Variants in MAPRE3 observed in about 807,000 individuals in gnomAD.
The protein encoded by MAPRE3 is microtubule-associated protein RP/EB family member 3.
A neutral mutation model predicts 30.5 loss-of-function variants in MAPRE3; 2 were observed. That is an observed-to-expected ratio of 0.07 (90% CI 0.03 to 0.21). The LOEUF is 0.21. MAPRE3 is among the 10% of genes least tolerant of loss of function. MAPRE3 has a pLI of 1.00. For synonymous variants in MAPRE3, 110 were observed against 127.7 expected, an observed-to-expected ratio of 0.86 and a Z score of 0.93; for missense variants, 204 against 351.8, an observed-to-expected ratio of 0.58 and a Z score of 3.36.
At chr2:27,003,786 C>T (rs1666658253) in intron 1 of MAPRE3, among the ~76,000 whole-genome samples, 1 of 152,170 alleles carries the variant, frequency 6.6e-6, no homozygotes, top group South Asian at 2.1e-4. Flanking sequence ...TCCCCATCCC[C>T]TTCTCCTTAC....
rs750222136 is a variant in MAPRE3 at position 27,026,507 on chromosome 2, G to A, written c.*159G>A. 14 of 614,584 alleles carry A rather than the reference G, an allele frequency of 2.3e-5. No homozygotes were observed. The highest frequency in any genetic ancestry group is 3.3e-5 in the Admixed American group (1 of 30,014). The allele number at this position is 614,584 out of a possible 1,614,324, so 38.1% of individuals were successfully genotyped here. On this transcript the variant is annotated 3_prime_UTR_variant, in exon 7 of 7. Coordinates refer to ENST00000233121, the MANE Select transcript of MAPRE3 (RefSeq NM_012326.4). ...GAGGGGGGCTTGGGGGCATGGGGCCGGAAAGCAGGCAGAAGCCCGTCCTGG... is the reference window on the plus strand; with the variant it reads ...GAGGGGGGCTTGGGGGCATGGGGCCAGAAAGCAGGCAGAAGCCCGTCCTGG...
chr2:27,002,656 G>A (rs1666625455), intron 1 of MAPRE3, among the ~76,000 whole-genome samples: 2 of 152,156 alleles, frequency 1.3e-5, no homozygotes, highest in Admixed American at 1.3e-4. Context: ...TGCACCTGGG[G>A]GTGTGGGTCT....
rs963428953 is a variant in MAPRE3 at position 27,015,725 on chromosome 2, G to A, written c.-7-6487G>A. Among the ~76,000 whole-genome samples the A allele has an allele frequency of 5.9e-5, 9 of 152,112 alleles. No individual in the cohort carries two copies. Among genetic ancestry groups the A allele is most frequent in the Non-Finnish European group, 1.3e-4 (9 of 68,020 alleles). On this transcript the variant is annotated intron_variant, in intron 1 of 6. Transcript: ENST00000233121. This position sits in a 1 kb window ranked among gnomAD's most constrained non-coding sequence, Gnocchi z 4.0. Reference sequence around the variant, plus strand: ...AAATTAGATTTAGGCTGGTGATAAGGTCATTAAATAATAGAATGTGAAATT... The same window carrying A: ...AAATTAGATTTAGGCTGGTGATAAGATCATTAAATAATAGAATGTGAAATT...
At chr2:27,005,682 G>C (rs1231121728) in intron 1 of MAPRE3, among the ~76,000 whole-genome samples, 1 of 152,182 alleles carries the variant, frequency 6.6e-6, no homozygotes, top group Non-Finnish European at 1.5e-5. Context: ...GAATCAATGG[G>C]CCAAATGGCC....
chr2:27,026,162 T>C, intron 6 of MAPRE3, 118 bp from the exon 7 acceptor site: 1 of 1,394,360 alleles, frequency 7.2e-7, no homozygotes. Flanking sequence ...TAGCCCAGGG[T>C]CACCCATTAG....
chr2:27,003,821 T>C (rs1410179796), intron 1 of MAPRE3, among the ~76,000 whole-genome samples: 1 of 152,142 alleles, frequency 6.6e-6, no homozygotes, highest in East Asian at 1.9e-4. Context: ...ACCGGCCCCA[T>C]GTCAAAGATT....
intron 3 of MAPRE3, 134 bp downstream of exon 3, chr2:27,023,611 G>C (rs745820863): frequency 9.3e-7 from 1 of 1,073,670 alleles, no homozygotes; most frequent in Non-Finnish European, 1.4e-6. Flanking sequence ...CGACTCTCCA[G>C]AGGGAATTTT....
rs1354687603 is a variant in MAPRE3 at position 26,986,781 on chromosome 2, T to C, written c.-8+15979T>C. 1 of 152,068 alleles carries C rather than the reference T, an allele frequency of 6.6e-6. No individual in the cohort carries two copies. The highest frequency in any genetic ancestry group is 2.4e-5 in the African/African-American group (1 of 41,348). 9.4% of individuals were successfully genotyped at this position (152,068 alleles called of 1,614,324 possible). A position where few individuals can be genotyped will look rare whatever the true frequency, so the allele number is the denominator to read the frequency against. Reference sequence around the variant, plus strand: ...TGGAGACACCGGCCACTGGAGAAGATCCAGAGGATGAATCACAGCAGTAGA... The same window carrying C: ...TGGAGACACCGGCCACTGGAGAAGACCCAGAGGATGAATCACAGCAGTAGA... On this transcript the variant is annotated intron_variant, in intron 1 of 6. Transcript: ENST00000233121. The surrounding 1 kb of genome is among the most constrained non-coding windows in gnomAD (Gnocchi z 4.2).
Position 27,024,947 on chromosome 2 carries a change from T to C in MAPRE3, c.470-636T>C, listed in dbSNP as rs533525071. On this transcript the variant is annotated intron_variant, in intron 4 of 6. Coordinates refer to ENST00000233121, the MANE Select transcript of MAPRE3 (RefSeq NM_012326.4). Reference sequence around the variant, plus strand: ...TCTGCACTGCTGTTCTGCCTGGGCCTGCCCCACTCGCCCGCCTGCTTGCTT... The same window carrying C: ...TCTGCACTGCTGTTCTGCCTGGGCCCGCCCCACTCGCCCGCCTGCTTGCTT... Among the ~76,000 whole-genome samples the C allele has an allele frequency of 4.3e-4, 66 of 152,272 alleles. 1 individual carries two copies. Among genetic ancestry groups the C allele is most frequent in the African/African-American group, 1.5e-3 (61 of 41,548 alleles).
At chr2:27,008,578 C>T (rs754007930) in intron 1 of MAPRE3, among the ~76,000 whole-genome samples, 39 of 152,108 alleles carry the variant, frequency 2.6e-4, no homozygotes, top group Non-Finnish European at 5.0e-4. Context: ...ATTCTAGGAA[C>T]AGTCAGTCCA....
intron 1 of MAPRE3, among the ~76,000 whole-genome samples, chr2:27,021,634 G>A (rs1396136240): frequency 6.6e-6 from 1 of 152,110 alleles, no homozygotes; most frequent in African/African-American, 2.4e-5. Context: ...CCTCCTTCTG[G>A]TAAACAAGGG....
At chr2:26,981,872 T>C (rs920903843) in intron 1 of MAPRE3, among the ~76,000 whole-genome samples, 10 of 152,182 alleles carry the variant, frequency 6.6e-5, no homozygotes, top group Admixed American at 3.9e-4. Flanking sequence ...GACTCTTAGA[T>C]GTGCTGTTGC....
chr2:27,000,012 GA>G (rs1460546870), intron 1 of MAPRE3, among the ~76,000 whole-genome samples: 2 of 152,100 alleles, frequency 1.3e-5, no homozygotes, highest in African/African-American at 4.8e-5. Context: ...CAGTAAGGAA[GA>G]AAAAATATTG....
At chr2:27,005,426 G>A (rs763404812) in intron 1 of MAPRE3, among the ~76,000 whole-genome samples, 2 of 152,154 alleles carry the variant, frequency 1.3e-5, no homozygotes, top group Non-Finnish European at 2.9e-5. Flanking sequence ...AGTGGCTTGG[G>A]CAAGAAACTT....
At chr2:26,990,086 G>T (rs1488848295) in intron 1 of MAPRE3, among the ~76,000 whole-genome samples, 1 of 152,212 alleles carries the variant, frequency 6.6e-6, no homozygotes, top group East Asian at 1.9e-4. Flanking sequence ...AGCTGAGGCG[G>T]GAGGAACGCT....
At chr2:26,980,999 C>T (rs1470048286) in intron 1 of MAPRE3, among the ~76,000 whole-genome samples, 2 of 152,086 alleles carry the variant, frequency 1.3e-5, no homozygotes, top group African/African-American at 4.8e-5. Context: ...GGATAGATTA[C>T]TGGGGTTCCT....
rs574221227 is a variant in MAPRE3 at position 27,002,610 on chromosome 2, C to T, written c.-7-19602C>T. On this transcript the variant is annotated intron_variant, in intron 1 of 6. Transcript: ENST00000233121. ...AGCCCTGACCAGACTCTGAACTGCC[C>T]ATCTTGGAACCCAGAGCAGTTGCAC... 4.6e-5 allele frequency among the ~76,000 whole-genome samples: 7 copies of T among 152,234 alleles called. No individual in the cohort carries two copies. The South Asian group carries it at 1.0e-3, about 23-fold the overall frequency.
chr2:27,018,465 C>T (rs538810633), intron 1 of MAPRE3, among the ~76,000 whole-genome samples: 54 of 152,310 alleles, frequency 3.5e-4, no homozygotes, highest in East Asian at 2.5e-3. Flanking sequence ...CATGCCCTCT[C>T]CTTCCCTATT....
chr2:26,971,432 A>T (rs1325403841), intron 1 of MAPRE3, among the ~76,000 whole-genome samples: 1 of 152,162 alleles, frequency 6.6e-6, no homozygotes, highest in Non-Finnish European at 1.5e-5. Context: ...GTGATCATCT[A>T]GCGTTTAATG....
Sources: gnomAD v4.1 joint callset for allele counts (sites outside exome capture counted in the v4.1 genomes callset) on GRCh38, gnomAD v4.1.1 for gene constraint, Gnocchi (gnomAD v3.1) non-coding constraint, MANE v1.5 for transcripts, NCBI Gene and HGNC (gene_info 2026-07-23, HGNC 2026-07-21) for gene names.